The following SAMD5 variants were observed in gnomAD, a reference collection of about 807,000 sequenced individuals.
SAMD5 encodes the protein sterile alpha motif domain containing 5, also known as sterile alpha motif domain-containing protein 5.
A neutral mutation model predicts 11.3 loss-of-function variants in SAMD5; 13 were observed. That is an observed-to-expected ratio of 1.15 (90% CI 0.75 to 1.83). SAMD5 has a LOEUF of 1.83. SAMD5 is among the 40% of genes most tolerant of loss of function. The pLI is 0.00. For missense variants in SAMD5, 255 were observed against 239.1 expected, an observed-to-expected ratio of 1.07 and a Z score of -0.44; for synonymous variants, 129 against 111.3, an observed-to-expected ratio of 1.16 and a Z score of -1.00.
the SAMD5 span, among the ~76,000 whole-genome samples, chr6:147,785,563 C>A: frequency 2.0e-4 from 31 of 152,198 alleles, no homozygotes; most frequent in African/African-American, 6.8e-4. Flanking sequence ...GCCAATACCC[C>A]AGCCCAGACT....
chr6:147,619,450 G>C (rs1789925246), intron 1 of SAMD5, among the ~76,000 whole-genome samples: 1 of 150,322 alleles, frequency 6.7e-6, no homozygotes, highest in Non-Finnish European at 1.5e-5. Flanking sequence ...TCATGAGGCA[G>C]ATACGCAGAT....
At chr6:147,877,719 G>A in the SAMD5 span, among the ~76,000 whole-genome samples, 1 of 151,866 alleles carries the variant, frequency 6.6e-6, no homozygotes, top group African/African-American at 2.4e-5. Flanking sequence ...TGAGGTTTGT[G>A]CAAGAAGAAA....
rs141575325 is a variant in SAMD5, at chr6:147,711,868, A to T, written c.163-25449A>T. Among the ~76,000 whole-genome samples, 4 of 152,322 alleles carry T rather than the reference A, an allele frequency of 2.6e-5. No homozygotes were observed. Among genetic ancestry groups the T allele is most frequent in the Non-Finnish European group, 5.9e-5 (4 of 68,034 alleles). Reference sequence around the variant, plus strand: ...GTCATGAATGGCTAATTGCTTGCCAATCGAAAGCCCTATTTACATAAACAC... The same window carrying T: ...GTCATGAATGGCTAATTGCTTGCCATTCGAAAGCCCTATTTACATAAACAC... On this transcript the variant is annotated intron_variant, in intron 1 of 1. Transcript: ENST00000566741. This position sits in a 1 kb window ranked among gnomAD's most constrained non-coding sequence, Gnocchi z 4.1.
chr6:147,637,720 C>A (rs1410874289), intron 1 of SAMD5, among the ~76,000 whole-genome samples: 3 of 152,158 alleles, frequency 2.0e-5, no homozygotes, highest in Admixed American at 2.0e-4. Context: ...ATGGTATTCA[C>A]CATGATGGGG....
At position 147,565,862 on chromosome 6, in the gene SAMD5, T is replaced by A. The variant is rs79079598; in HGVS notation, c.*1406T>A. 0.011 allele frequency: 10,901 copies of A among 985,394 alleles called. 129 individuals carry two copies. The highest frequency in any genetic ancestry group is 0.051 in the African/African-American group (2,913 of 57,348). 61.0% of individuals were successfully genotyped at this position (985,394 alleles called of 1,614,324 possible). ...ATGGCAAAAGATGTTGACGTACAAC[T>A]GGCTCCTGAGGCTGTCAATTGTTTA... On this transcript the variant is annotated 3_prime_UTR_variant, in exon 2 of 2. Coordinates refer to ENST00000367474, the MANE Select transcript of SAMD5 (RefSeq NM_001030060.3).
At chr6:147,700,387 G>A (rs2128457720) in intron 1 of SAMD5, among the ~76,000 whole-genome samples, 1 of 152,246 alleles carries the variant, frequency 6.6e-6, no homozygotes, top group Non-Finnish European at 1.5e-5. Flanking sequence ...AAAAGCAGGT[G>A]CATAGTTTAG....
At chr6:147,932,399 C>A in the SAMD5 span, among the ~76,000 whole-genome samples, 2 of 152,066 alleles carry the variant, frequency 1.3e-5, no homozygotes, top group Non-Finnish European at 2.9e-5. Flanking sequence ...TTAATGTACT[C>A]AGATACCCCA....
chr6:147,878,567 CTAG>C, the SAMD5 span, among the ~76,000 whole-genome samples: 13 of 144,206 alleles, frequency 9.0e-5, no homozygotes, highest in Non-Finnish European at 1.2e-4. Context: ...GATATATATA[CTAG>C]ATATATCTCT....
the SAMD5 span, among the ~76,000 whole-genome samples, chr6:147,775,063 A>C: frequency 6.6e-6 from 1 of 152,078 alleles, no homozygotes; most frequent in Non-Finnish European, 1.5e-5. Flanking sequence ...CAGGAGTAAA[A>C]TTGGAGGGGA....
chr6:147,584,748 T>C (rs12661250), intron 1 of SAMD5, among the ~76,000 whole-genome samples: 1 of 152,224 alleles, frequency 6.6e-6, no homozygotes, highest in Non-Finnish European at 1.5e-5. Context: ...GGGTATGTAT[T>C]GTCCTTTAGA....
intron 1 of SAMD5, among the ~76,000 whole-genome samples, chr6:147,643,397 A>C (rs1461645269): frequency 6.6e-6 from 1 of 152,172 alleles, no homozygotes; most frequent in Admixed American, 6.6e-5. Flanking sequence ...AAACAACTAA[A>C]ACACACAGTA....
At chr6:147,562,523 A>G (rs1788966852) in intron 1 of SAMD5, among the ~76,000 whole-genome samples, 1 of 152,180 alleles carries the variant, frequency 6.6e-6, no homozygotes, top group Non-Finnish European at 1.5e-5. Flanking sequence ...TTATTAGAGC[A>G]TTAAAAACCA....
rs560845610 is a variant in SAMD5 at position 147,700,648 on chromosome 6, G to A, written c.163-36669G>A. On this transcript the variant is annotated intron_variant, in intron 1 of 1. Transcript: ENST00000566741. ...GCCCTGAATGATCATTCTGCTACAC[G>A]TGGTGATCTCTGGAAGTAACAGCAA... 1.1e-3 allele frequency among the ~76,000 whole-genome samples: 168 copies of A among 152,310 alleles called. 2 individuals carry two copies. The highest frequency in any genetic ancestry group is 6.2e-4 in the South Asian group (3 of 4,826).
Position 147,566,688 on chromosome 6 carries a change from A to G in SAMD5, c.*2232A>G, listed in dbSNP as rs1367474712. ...TTGAAAATAACAATGCTCTGCTTAA[A>G]GTAAGAGTCACAGTCAGCAAAAAAA... On this transcript the variant is annotated 3_prime_UTR_variant, in exon 2 of 2. Transcript: ENST00000367474. 1.0e-6 allele frequency: 1 copy of G among 984,838 alleles called. No individual in the cohort carries two copies. Among genetic ancestry groups the G allele is most frequent in the African/African-American group, 1.7e-5 (1 of 57,236 alleles). 61.0% of individuals were successfully genotyped at this position (984,838 alleles called of 1,614,324 possible). A position where few individuals can be genotyped will look rare whatever the true frequency, so the allele number is the denominator to read the frequency against.
At chr6:147,825,122 C>G in the SAMD5 span, among the ~76,000 whole-genome samples, 25 of 152,164 alleles carry the variant, frequency 1.6e-4, 1 homozygote, top group East Asian at 4.5e-3. Context: ...CATAGTGAAA[C>G]CCCGTCTCTA....
downstream of SAMD5, among the ~76,000 whole-genome samples, chr6:147,571,381 T>C (rs890611255): frequency 6.6e-6 from 1 of 152,176 alleles, no homozygotes; most frequent in Admixed American, 6.5e-5. Flanking sequence ...GAATATCTTC[T>C]AGTTTCATTC....
intron 1 of SAMD5, among the ~76,000 whole-genome samples, chr6:147,618,600 T>G (rs9497822): frequency 0.44 from 66,755 of 152,082 alleles, 15,224 homozygotes; most frequent in East Asian, 0.58. Flanking sequence ...GTCACCTCTG[T>G]GTAACCGTGT....
At chr6:147,803,768 G>A in the SAMD5 span, among the ~76,000 whole-genome samples, 1 of 152,172 alleles carries the variant, frequency 6.6e-6, no homozygotes, top group East Asian at 1.9e-4. Context: ...TGACTCCAGA[G>A]CCCAGATACA....
At chr6:147,511,957 T>A (rs1788097250) in intron 1 of SAMD5, among the ~76,000 whole-genome samples, 1 of 152,170 alleles carries the variant, frequency 6.6e-6, no homozygotes, top group South Asian at 2.1e-4. Context: ...TATATAGTAT[T>A]TTTTGTTTGT....
Sources: gnomAD v4.1 joint callset for allele counts (sites outside exome capture counted in the v4.1 genomes callset) on GRCh38, gnomAD v4.1.1 for gene constraint, Gnocchi (gnomAD v3.1) non-coding constraint, MANE v1.5 for transcripts, NCBI Gene and HGNC (gene_info 2026-07-23, HGNC 2026-07-21) for gene names.